Variants in INSRR observed in about 807,000 individuals in gnomAD.
INSRR encodes insulin receptor-related protein.
Under a neutral mutation model 130.0 loss-of-function variants are expected in INSRR, and 114 were observed. That is an observed-to-expected ratio of 0.88 (90% confidence interval 0.75 to 1.02). The LOEUF (loss-of-function observed/expected upper bound fraction) is 1.02. INSRR is among the 50% of genes least tolerant of loss of function. The probability of loss-of-function intolerance (pLI) is 0.00; values close to 1 mark genes in which losing one functional copy is unlikely to be tolerated. For missense variants in INSRR, 1,657 were observed against 1,735.2 expected, an observed-to-expected ratio of 0.95 and a Z score of 0.80; for synonymous variants, 674 against 705.2, an observed-to-expected ratio of 0.96 and a Z score of 0.70.
rs780393580 is a variant in INSRR, at chr1:156,845,220, C to T, written c.2293G>A (p.Asp765Asn). ...ACCGCTCGCTCACGGGGCACCTTGT[C>T]CTCCTGGATCTCGAAATCCGAGCTG... ...GNSSDFEIQE[D>N]KVPRERAVLS... is the part of the protein sequence containing the mutation. The change falls in exon 12 of 22, where the codon GAC becomes AAC. Residue 765 changes from aspartate to asparagine, a missense_variant. Asp to Asn is a conservative substitution (Grantham distance 23). Coordinates refer to ENST00000368195, the MANE Select transcript of INSRR (RefSeq NM_014215.3). The T allele has an allele frequency of 6.2e-7, 1 of 1,609,830 alleles. No homozygotes were observed. The highest frequency in any genetic ancestry group is 1.7e-5 in the Admixed American group (1 of 59,380).
chr1:156,853,657 C>G, intron 2 of INSRR, 95 bp downstream of exon 2: 11 of 1,220,224 alleles, frequency 9.0e-6, no homozygotes, highest in African/African-American at 1.5e-5. Flanking sequence ...ACAGTGGCAG[C>G]TGAAAGTACT....
rs371169960 is a variant in INSRR, at chr1:156,845,071, C to G, written c.2437+5G>C. On this transcript the variant is annotated splice_donor_5th_base_variant and intron_variant, in intron 12 of 21. Transcript: ENST00000368195. ...GGGTAGAAGGTGTGTGTGTGGATCA[C>G]CTACTGTGGGGCATGGTGCGCGCAA... 1.2e-6 allele frequency: 2 copies of G among 1,602,110 alleles called. No homozygotes were observed. Among genetic ancestry groups the G allele is most frequent in the Non-Finnish European group, 1.7e-6 (2 of 1,175,268 alleles).
In INSRR at chr1:156,846,729, C is replaced by A. The variant is rs752824738; in HGVS notation, c.1600G>T (p.Gly534Cys). ...SPFQNATEHV[G>C]PDACGTQSWN... is the part of the protein sequence containing the mutation. ...CTCTGGGTTCCACAAGCATCTGGAC[C>A]CACGTGCTCTGTGGCGTTCTGGAAT... The change falls in exon 8 of 22, where the codon GGT becomes TGT. Residue 534 changes from glycine to cysteine, a missense_variant. Gly to Cys is a radical substitution (Grantham distance 159, BLOSUM62 -3). Coordinates refer to ENST00000368195, the MANE Select transcript of INSRR (RefSeq NM_014215.3). The A allele has an allele frequency of 3.7e-6, 6 of 1,613,978 alleles. No individual in the cohort carries two copies. Among genetic ancestry groups the A allele is most frequent in the East Asian group, 2.2e-5 (1 of 44,890 alleles).
At position 156,843,173 on chromosome 1, in the gene INSRR, CCCAGTT is replaced by C. The variant is rs777771174; in HGVS notation, c.2951_2956del (p.Glu984_Leu985del). ...ATATACCATCCCAAAAGAGCCCTGG[CCCAGTT>C]CCCGGATTATCGAGATCTGCTCCCG... On this transcript the variant is annotated inframe_deletion, in exon 17 of 22. Transcript: ENST00000368195. The C allele has an allele frequency of 2.7e-5, 43 of 1,614,000 alleles. No individual in the cohort carries two copies. Among genetic ancestry groups the C allele is most frequent in the Non-Finnish European group, 3.1e-5 (36 of 1,180,050 alleles).
At chr1:156,844,077 A>G in intron 15 of INSRR, 98 bp downstream of exon 15, 1 of 835,986 alleles carries the variant, frequency 1.2e-6, no homozygotes, top group South Asian at 1.6e-5. Flanking sequence ...TGTATGGAAG[A>G]CCTGTCTTTC....
chr1:156,840,998 G>A lies in INSRR; in HGVS notation c.3769C>T (p.Leu1257Phe). 6.2e-7 allele frequency: 1 copy of A among 1,612,324 alleles called. No homozygotes were observed. Among genetic ancestry groups the A allele is most frequent in the Non-Finnish European group, 8.5e-7 (1 of 1,179,316 alleles). ...QEELRPSFRLLSFYYSPECRG... is the reference protein window; with the variant it reads ...QEELRPSFRLFSFYYSPECRG... Reference sequence around the variant, plus strand: ...CATTCCGGGCTGTAGTAGAAGGAGAGGAGGCGGAAGGAGGGCCGCAGCTCC... The same window carrying A: ...CATTCCGGGCTGTAGTAGAAGGAGAAGAGGCGGAAGGAGGGCCGCAGCTCC... The change falls in exon 22 of 22, where the codon CTC becomes TTC. Residue 1257 changes from leucine (L) to phenylalanine (F), a missense_variant. Coordinates refer to ENST00000368195, the MANE Select transcript of INSRR (RefSeq NM_014215.3).
rs756740253 is a variant in INSRR, at chr1:156,851,294, C to G, written c.1225G>C (p.Asp409His). The G allele has an allele frequency of 6.2e-7, 1 of 1,614,144 alleles. No homozygotes were observed. Among genetic ancestry groups the G allele is most frequent in the Non-Finnish European group, 8.5e-7 (1 of 1,180,032 alleles). The part of the protein sequence containing the change: ...LKLIRGDAMV[D>H]GNYTLYVLDN... ...GGTCAGAGGCCTAACCCTTACCCAT[C>G]CACCATGGCGTCTCCCCGGATTAGT... is the stretch of plus-strand genomic sequence containing the variant. The change falls in exon 5 of 22, where the codon GAT becomes CAT. Residue 409 changes from aspartate to histidine, a missense_variant. By Grantham distance (81) the Asp-to-His change is moderately conservative. Coordinates refer to ENST00000368195, the MANE Select transcript of INSRR (RefSeq NM_014215.3).
rs1213394245 is a variant in INSRR at position 156,848,589 on chromosome 1, G to T, written c.1571+332C>A. On this transcript the variant is annotated intron_variant, in intron 7 of 21. Transcript: ENST00000368195. ...CAAATTAGTGGGCGCTCCCCAAACC[G>T]CTGCTGGGGCAGGAGCGTGTGGTCA... Among the ~76,000 whole-genome samples, 5 of 152,332 alleles carry T rather than the reference G, an allele frequency of 3.3e-5. No homozygotes were observed. The East Asian group carries it at 9.7e-4, about 29-fold the overall frequency.
At position 156,844,733 on chromosome 1, in the gene INSRR, C is replaced by T. The variant is rs1486446175; in HGVS notation, c.2548G>A (p.Glu850Lys). The T allele has an allele frequency of 1.2e-6, 2 of 1,614,142 alleles. No homozygotes were observed. The highest frequency in any genetic ancestry group is 2.2e-5 in the East Asian group (1 of 44,854). ...PDPNGLILKY[E>K]IKYRRLGEEA... ...TCTCCCAAGCGGCGGTACTTGATTT[C>T]GTACTTGAGGATGAGTCCGTTGGGG... is the stretch of plus-strand genomic sequence containing the variant. The change falls in exon 13 of 22, where the codon GAA becomes AAA. Residue 850 changes from glutamate to lysine, a missense_variant. Glu to Lys is a moderately conservative substitution (Grantham distance 56). Transcript: ENST00000368195.
chr1:156,841,632 TC>T (rs763035973), intron 20 of INSRR, 32 bp downstream of exon 20: 2 of 1,610,688 alleles, frequency 1.2e-6, no homozygotes, highest in African/African-American at 2.7e-5. Flanking sequence ...CGCCTCCACA[TC>T]CCTGGAGCCC....
At chr1:156,844,667 C>T (rs770638620) in intron 13 of INSRR, 40 bp downstream of exon 13, 2 of 1,613,902 alleles carry the variant, frequency 1.2e-6, no homozygotes, top group Non-Finnish European at 1.7e-6. Context: ...GCGATGTAGG[C>T]ACAAAACGGG....
intron 1 of INSRR, among the ~76,000 whole-genome samples, chr1:156,857,211 G>A (rs1655441202): frequency 7.2e-6 from 1 of 138,926 alleles, no homozygotes. Context: ...GTGTGTGTGT[G>A]TGTATGTCTG....
rs1293651362 is a variant in INSRR, at chr1:156,845,954, C to CGGT, written c.1973_1975dup (p.His658dup). 1 of 1,611,706 alleles carries CGGT rather than the reference C, an allele frequency of 6.2e-7. No homozygotes were observed. Among genetic ancestry groups the CGGT allele is most frequent in the South Asian group, 1.1e-5 (1 of 90,778 alleles). On this transcript the variant is annotated inframe_insertion, in exon 9 of 22. Coordinates refer to ENST00000368195, the MANE Select transcript of INSRR (RefSeq NM_014215.3). ...GCCTGCGCGTCGTCCCTGCGCACCGCGGTGGCAGTAGTCATTGAGGTAGAG... is the reference window on the plus strand; with the variant it reads ...GCCTGCGCGTCGTCCCTGCGCACCGCGGTGGTGGCAGTAGTCATTGAGGTAGAG...
chr1:156,843,706 G>A (rs560022245), intron 15 of INSRR, among the ~76,000 whole-genome samples: 2 of 152,342 alleles, frequency 1.3e-5, no homozygotes, highest in East Asian at 1.9e-4. Flanking sequence ...AGGGGCTTCC[G>A]CCCTGTCAGC....
chr1:156,848,349 G>A (rs564579353), intron 7 of INSRR, among the ~76,000 whole-genome samples: 1 of 152,302 alleles, frequency 6.6e-6, no homozygotes, highest in African/African-American at 2.4e-5. Context: ...TTCCCAGCCT[G>A]CATCTGAAAT....
In INSRR at chr1:156,849,010, C is replaced by A; in HGVS notation, c.1482G>T (p.Thr494=). 6.2e-7 allele frequency: 1 copy of A among 1,613,440 alleles called. No individual in the cohort carries two copies. The highest frequency in any genetic ancestry group is 8.5e-7 in the Non-Finnish European group (1 of 1,179,852). ...AGCGTAGCAGGATGCGGTCTGCCTC[C>A]GTCACGTTGGACACGAAGCGCAGGG... is the stretch of plus-strand genomic sequence containing the variant. The part of the protein sequence containing the change: ...TRTLRFVSNV[T]EADRILLRWE... The change falls in exon 7 of 22, where the codon ACG becomes ACT. Residue 494 remains threonine (T), a synonymous_variant. Coordinates refer to ENST00000368195, the MANE Select transcript of INSRR (RefSeq NM_014215.3).
rs1402829699 is a variant in INSRR at position 156,841,106 on chromosome 1, T to C, written c.3663-2A>G. 2 of 1,553,382 alleles carry C rather than the reference T, an allele frequency of 1.3e-6. No individual in the cohort carries two copies. Among genetic ancestry groups the C allele is most frequent in the Non-Finnish European group, 1.7e-6 (2 of 1,146,990 alleles). ...CAGCAGCGGCTCATCAGCTCCTGCCTGGTGGGTGTGGGGAGCAGGGTCAGA... is the reference window on the plus strand; with the variant it reads ...CAGCAGCGGCTCATCAGCTCCTGCCCGGTGGGTGTGGGGAGCAGGGTCAGA... On this transcript the variant is annotated splice_acceptor_variant, in intron 21 of 21. Coordinates refer to ENST00000368195, the MANE Select transcript of INSRR (RefSeq NM_014215.3). LOFTEE classifies it high-confidence loss of function.
Position 156,841,680 on chromosome 1 carries a change from G to C in INSRR, c.3512C>G (p.Thr1171Ser). Residue 1171 changes from threonine (T) to serine (S), a missense_variant, in exon 20 of 22, where the codon ACC becomes AGC. Thr to Ser is a moderately conservative substitution (Grantham distance 58, BLOSUM62 1). Transcript: ENST00000368195. ...PESLKDGIFT[T>S]HSDVWSFGVV... ...TCGGCCCCACCAGACATCCGAGTGGGTGGTGAAGATCCCATCTTTGAGGGA... is the reference window on the plus strand; with the variant it reads ...TCGGCCCCACCAGACATCCGAGTGGCTGGTGAAGATCCCATCTTTGAGGGA... The C allele has an allele frequency of 5.0e-6, 8 of 1,614,102 alleles. No individual in the cohort carries two copies. The highest frequency in any genetic ancestry group is 6.8e-6 in the Non-Finnish European group (8 of 1,179,980).
chr1:156,841,612 C>G, intron 20 of INSRR, 53 bp downstream of exon 20: 5 of 1,609,768 alleles, frequency 3.1e-6, no homozygotes, highest in Non-Finnish European at 4.2e-6. Flanking sequence ...CCAGGCCCCT[C>G]CCCAGATCCC....
Sources: gnomAD v4.1 joint callset for allele counts (sites outside exome capture counted in the v4.1 genomes callset) on GRCh38, gnomAD v4.1.1 for gene constraint, MANE v1.5 for transcripts, NCBI Gene and HGNC (gene_info 2026-07-23, HGNC 2026-07-21) for gene names.